The following TMTC2 variants were observed in gnomAD, a reference collection of about 807,000 sequenced individuals.
TMTC2 encodes the protein transmembrane O-mannosyltransferase targeting cadherins 2, also known as protein O-mannosyl-transferase TMTC2.
A neutral mutation model predicts 82.4 loss-of-function variants in TMTC2; 43 were observed. The ratio of observed to expected loss-of-function variants is 0.52; its 90% CI spans 0.41 to 0.67. TMTC2 has a LOEUF of 0.67. Among genes scored for constraint, TMTC2 ranks in the 30% least tolerant of loss-of-function variants. The pLI is 0.00. For synonymous variants in TMTC2, 408 were observed against 381.9 expected (o/e 1.07, Z -0.80); for missense variants, 919 against 1,012.4 (o/e 0.91, Z 1.25).
At chr12:82,866,254 A>AC (rs1006854468) in intron 2 of TMTC2, among the ~76,000 whole-genome samples, 23 of 142,654 alleles carry the variant, frequency 1.6e-4, no homozygotes, top group African/African-American at 7.0e-4. Flanking sequence ...CAAAAAAAAA[A>AC]AAAAAAAAAC....
intron 8 of TMTC2, among the ~76,000 whole-genome samples, chr12:83,001,365 C>T (rs116871615): frequency 8.5e-5 from 13 of 152,150 alleles, no homozygotes; most frequent in Non-Finnish European, 1.5e-4. Flanking sequence ...GGGCCCAGCA[C>T]GGTGGGTAAT....
intron 1 of TMTC2, among the ~76,000 whole-genome samples, chr12:82,722,566 CAAA>C (rs772607761): frequency 2.3e-5 from 1 of 44,394 alleles, no homozygotes; most frequent in Admixed American, 4.2e-4. Context: ...GACTCCATCT[CAAA>C]AAAAAAAAAA....
intron 8 of TMTC2, among the ~76,000 whole-genome samples, chr12:83,020,655 G>C (rs1880876242): frequency 1.0e-5 from 1 of 96,986 alleles, no homozygotes; most frequent in Admixed American, 1.1e-4. Flanking sequence ...TTTGAGCTTA[G>C]TGTCAGGATA....
intron 1 of TMTC2, among the ~76,000 whole-genome samples, chr12:82,723,571 A>G (rs1874309021): frequency 1.3e-5 from 2 of 152,202 alleles, no homozygotes; most frequent in Admixed American, 6.5e-5. Context: ...ATAGATTGAA[A>G]GTAATTTTAT....
Position 82,965,660 on chromosome 12 carries a change from A to G in TMTC2, c.1785A>G (p.Leu595=). 1.2e-6 allele frequency: 2 copies of G among 1,613,848 alleles called. No homozygotes were observed. The highest frequency in any genetic ancestry group is 1.7e-6 in the Non-Finnish European group (2 of 1,179,788). Residue 595 remains leucine, a synonymous_variant, in exon 6 of 12, where the codon CTA becomes CTG. Transcript: ENST00000321196. ...GTTCGGAGATCCCAGATGAAAACCTAAAGGACCCTCATGCACACAAGAGCT... is the reference window on the plus strand; with the variant it reads ...GTTCGGAGATCCCAGATGAAAACCTGAAGGACCCTCATGCACACAAGAGCT... ...LKCSEIPDEN[L]KDPHAHKSSV...
At chr12:83,009,524 T>C (rs1880358895) in intron 8 of TMTC2, among the ~76,000 whole-genome samples, 1 of 152,184 alleles carries the variant, frequency 6.6e-6, no homozygotes, top group Non-Finnish European at 1.5e-5. Context: ...GTGGCTTGCC[T>C]TTCAAACTCA....
intron 2 of TMTC2, among the ~76,000 whole-genome samples, chr12:82,870,271 C>T (rs541698950): frequency 6.6e-6 from 1 of 152,208 alleles, no homozygotes; most frequent in African/African-American, 2.4e-5. Flanking sequence ...ATAGGGTCTC[C>T]TTATTTGCAT....
In TMTC2 at chr12:82,787,540, C is replaced by T. The variant is rs561569166; in HGVS notation, c.84-69470C>T. Among the ~76,000 whole-genome samples, 41 of 152,114 alleles carry T rather than the reference C, an allele frequency of 2.7e-4. No homozygotes were observed. In the East Asian group the frequency reaches 7.3e-3, roughly 27 times the overall value. Reference sequence around the variant, plus strand: ...TTTATCCATTAAAATTATCTTTGACCTAATTCATTTTATGATGTCAGTATG... The same window carrying T: ...TTTATCCATTAAAATTATCTTTGACTTAATTCATTTTATGATGTCAGTATG... On this transcript the variant is annotated intron_variant, in intron 1 of 11. Transcript: ENST00000321196.
At chr12:82,698,134 A>G (rs753062543) in intron 1 of TMTC2, among the ~76,000 whole-genome samples, 1 of 152,202 alleles carries the variant, frequency 6.6e-6, no homozygotes, top group South Asian at 2.1e-4. Context: ...TGAATGCACT[A>G]TATCTGAAGT....
intron 4 of TMTC2, among the ~76,000 whole-genome samples, chr12:82,952,728 T>C (rs1390508426): frequency 2.6e-5 from 4 of 151,924 alleles, no homozygotes; most frequent in Non-Finnish European, 2.9e-5. Flanking sequence ...GTGTGTGGTG[T>C]TTTTTTGTTT....
chr12:83,081,269 C>T (rs1883457730), intron 11 of TMTC2, among the ~76,000 whole-genome samples: 1 of 152,166 alleles, frequency 6.6e-6, no homozygotes, highest in Non-Finnish European at 1.5e-5. Context: ...TTGCATGTAA[C>T]ATGTGATTAC....
chr12:82,987,566 G>GA (rs1879213901), intron 8 of TMTC2, among the ~76,000 whole-genome samples: 1 of 151,840 alleles, frequency 6.6e-6, no homozygotes, highest in Non-Finnish European at 1.5e-5. Context: ...AGTAGTAAGA[G>GA]AAGTTCCTAG....
At chr12:82,737,794 G>A (rs1294939982) in intron 1 of TMTC2, among the ~76,000 whole-genome samples, 1 of 152,170 alleles carries the variant, frequency 6.6e-6, no homozygotes, top group Non-Finnish European at 1.5e-5. Context: ...ACCCCATTGA[G>A]CTTTGTTACA....
intron 8 of TMTC2, among the ~76,000 whole-genome samples, chr12:83,001,012 CTG>C (rs1280937054): frequency 2.6e-5 from 4 of 152,128 alleles, no homozygotes; most frequent in African/African-American, 9.7e-5. Flanking sequence ...ACTTCCTAGG[CTG>C]TACACAGCAC....
At chr12:82,780,595 T>C (rs1465090118) in intron 1 of TMTC2, among the ~76,000 whole-genome samples, 4 of 152,148 alleles carry the variant, frequency 2.6e-5, no homozygotes, top group Non-Finnish European at 5.9e-5. Context: ...TTGCTTCTTA[T>C]GTCAAATGAA....
At chr12:82,770,528 C>A (rs1238776320) in intron 1 of TMTC2, among the ~76,000 whole-genome samples, 1 of 152,100 alleles carries the variant, frequency 6.6e-6, no homozygotes, top group East Asian at 1.9e-4. Context: ...CAACCACTGA[C>A]CTTACCCTGA....
chr12:83,025,800 TTACTATTGCCAAATTA>T (rs1300060541), intron 8 of TMTC2, among the ~76,000 whole-genome samples: 1 of 152,120 alleles, frequency 6.6e-6, no homozygotes, highest in Non-Finnish European at 1.5e-5. Flanking sequence ...AACAGATGAC[TTACTATTGCCAAATTA>T]TTACAGAGGA....
chr12:83,052,497 A>G (rs931847025), intron 10 of TMTC2, among the ~76,000 whole-genome samples: 7 of 152,280 alleles, frequency 4.6e-5, no homozygotes, highest in Middle Eastern at 3.4e-3. Flanking sequence ...AATTTGTGTG[A>G]CAAGGTTAGG....
intron 1 of TMTC2, among the ~76,000 whole-genome samples, chr12:82,714,777 G>A (rs1408680551): frequency 2.0e-5 from 3 of 152,150 alleles, no homozygotes; most frequent in African/African-American, 7.2e-5. Flanking sequence ...AAAAAAGTCA[G>A]TGGGGGTTTC....
Sources: allele counts gnomAD v4.1 joint callset (sites outside exome capture counted in the v4.1 genomes callset), GRCh38; gene constraint gnomAD v4.1.1; transcripts MANE v1.5; gene names NCBI Gene and HGNC (gene_info 2026-07-23, HGNC 2026-07-21).